Variants in STAC3 observed in about 807,000 individuals in gnomAD.
STAC3 encodes SH3 and cysteine rich domain 3.
Under a neutral mutation model 48.5 loss-of-function variants are expected in STAC3, and 30 were observed. The ratio of observed to expected loss-of-function variants is 0.62; its 90% confidence interval spans 0.46 to 0.84. STAC3 has a LOEUF of 0.84. STAC3 is among the 40% of genes least tolerant of loss of function. The probability of loss-of-function intolerance (pLI) is 0.00; values close to 1 mark genes in which losing one functional copy is unlikely to be tolerated. For missense variants in STAC3, 419 were observed against 462.6 expected (o/e 0.91, Z 0.86); for synonymous variants, 144 against 158.6 (o/e 0.91, Z 0.69).
chr12:57,248,293 G>C (rs753646701), intron 4 of STAC3, 95 bp from the exon 5 acceptor site: 129 of 1,016,210 alleles, frequency 1.3e-4, no homozygotes, highest in Non-Finnish European at 1.9e-4. Context: ...CAGAAAAAGA[G>C]ATGGGCTGAG....
At chr12:57,245,308 A>C in intron 6 of STAC3, 97 bp from the exon 7 acceptor site, 22 of 1,080,770 alleles carry the variant, frequency 2.0e-5, no homozygotes, top group Non-Finnish European at 2.6e-5. Flanking sequence ...ATGGGATCTC[A>C]GAGATCTCAG....
Position 57,246,916 on chromosome 12 carries a change from G to A in STAC3, c.506-15C>T, listed in dbSNP as rs2037754910. On this transcript the variant is annotated splice_polypyrimidine_tract_variant and intron_variant, in intron 5 of 11. Transcript: ENST00000332782. ...ATTGGCAGCAGCTAATCGAATGGGA[G>A]GAGAAAGAAGACATTATTGGGAAGG... 2.5e-6 allele frequency: 4 copies of A among 1,610,760 alleles called. No individual in the cohort carries two copies. The Admixed American group carries it at 5.0e-5, about 20-fold the overall frequency.
At position 57,243,488 on chromosome 12, in the gene STAC3, A is replaced by T; in HGVS notation, c.*324T>A. 1.8e-6 allele frequency: 1 copy of T among 567,816 alleles called. No individual in the cohort carries two copies. Among genetic ancestry groups the T allele is most frequent in the Non-Finnish European group, 3.2e-6 (1 of 313,794 alleles). The allele number at this position is 567,816 out of a possible 1,614,324, so 35.2% of individuals were successfully genotyped here. On this transcript the variant is annotated 3_prime_UTR_variant, in exon 12 of 12. Transcript: ENST00000332782. ...TTTGTCAAAAGTTTAATAAATTCGCAACATTCGACAGTTCGCCCTCCCTCG... is the reference window on the plus strand; with the variant it reads ...TTTGTCAAAAGTTTAATAAATTCGCTACATTCGACAGTTCGCCCTCCCTCG...
At chr12:57,248,472 G>A (rs552010171) in intron 4 of STAC3, 7 of 565,620 alleles carry the variant, frequency 1.2e-5, no homozygotes, top group East Asian at 9.4e-5. Flanking sequence ...TCCGCCTCCC[G>A]AGTTTACGCC....
Position 57,243,894 on chromosome 12 carries a change from C to G in STAC3, c.1013G>C (p.Gly338Ala). The change falls in exon 12 of 12, where the codon GGA becomes GCA. Residue 338 changes from glycine (G) to alanine (A), a missense_variant. By Grantham distance (60) the Gly-to-Ala change is moderately conservative. Coordinates refer to ENST00000332782, the MANE Select transcript of STAC3 (RefSeq NM_145064.3). ...CTTGACGTAGCCGCCCGCTTCGTCT[C>G]CTTTCTGCACCACGATCTAGAAGAT... ...LKKDQIVVQK[G>A]DEAGGYVKVY... is the part of the protein sequence containing the mutation. The G allele has an allele frequency of 6.2e-7, 1 of 1,613,832 alleles. No individual in the cohort carries two copies. Among genetic ancestry groups the G allele is most frequent in the African/African-American group, 1.3e-5 (1 of 74,994 alleles).
chr12:57,243,859 C>G lies in STAC3; in HGVS notation c.1048G>C (p.Gly350Arg). 6.2e-7 allele frequency: 1 copy of G among 1,614,128 alleles called. No homozygotes were observed. Among genetic ancestry groups the G allele is most frequent in the Non-Finnish European group, 8.5e-7 (1 of 1,180,018 alleles). ...EAGGYVKVYTGRKVGLFPTDF... is the reference protein window; with the variant it reads ...EAGGYVKVYTRRKVGLFPTDF... ...GTGGGAAACAGCCCCACCTTGCGGC[C>G]GGTGTAGACCTTGACGTAGCCGCCC... Residue 350 changes from glycine to arginine, a missense_variant, in exon 12 of 12, where the codon GGC becomes CGC. By Grantham distance (125) the Gly-to-Arg change is moderately radical. Transcript: ENST00000332782.
chr12:57,246,147 T>G (rs915954567), intron 6 of STAC3, among the ~76,000 whole-genome samples: 1 of 151,732 alleles, frequency 6.6e-6, no homozygotes, highest in African/African-American at 2.4e-5. Context: ...AGCACAATTT[T>G]TATAATTCCC....
chr12:57,247,428 ATTTTT>A (rs367784960), intron 5 of STAC3, among the ~76,000 whole-genome samples: 17 of 58,526 alleles, frequency 2.9e-4, no homozygotes, highest in African/African-American at 9.0e-4. Context: ...TATTATTATT[ATTTTT>A]TTTTTTTTTT....
In STAC3 at chr12:57,243,695, G is replaced by T. The variant is rs938336349; in HGVS notation, c.*117C>A. The T allele has an allele frequency of 1.0e-6, 1 of 954,472 alleles. No homozygotes were observed. Among genetic ancestry groups the T allele is most frequent in the Non-Finnish European group, 1.7e-6 (1 of 603,562 alleles). The allele number at this position is 954,472 out of a possible 1,614,324, so 59.1% of individuals were successfully genotyped here. A position where few individuals can be genotyped will look rare whatever the true frequency, so the allele number is the denominator to read the frequency against. ...CCCGGAAGCCCCGTCGCGCTCAGGC[G>T]GGCCTTCCTACCCCTCCTCTCCCAG... On this transcript the variant is annotated 3_prime_UTR_variant, in exon 12 of 12. Transcript: ENST00000332782.
At chr12:57,247,953 C>A (rs1370581354) in intron 5 of STAC3, among the ~76,000 whole-genome samples, 173 bp downstream of exon 5, 1 of 152,184 alleles carries the variant, frequency 6.6e-6, no homozygotes, top group East Asian at 1.9e-4. Context: ...TCTCCCTCTG[C>A]TGTAAAATGG....
In STAC3 at chr12:57,244,243, G is replaced by T. The variant is rs936965730; in HGVS notation, c.859-18C>A. 6.2e-7 allele frequency: 1 copy of T among 1,614,208 alleles called. No homozygotes were observed. The highest frequency in any genetic ancestry group is 2.2e-5 in the East Asian group (1 of 44,880). ...ATTTTCCCCTAGGGAAGATAGTAGG[G>T]AGAGTCCATCTCTCAATGTCGGGTT... On this transcript the variant is annotated intron_variant, in intron 10 of 11. Coordinates refer to ENST00000332782, the MANE Select transcript of STAC3 (RefSeq NM_145064.3).
intron 5 of STAC3, among the ~76,000 whole-genome samples, chr12:57,247,580 G>T (rs959139662): frequency 6.6e-6 from 1 of 151,754 alleles, no homozygotes; most frequent in African/African-American, 2.4e-5. Context: ...GACTACAGGC[G>T]CCTGCCACCA....
rs2037854027 is a variant in STAC3 at position 57,249,639 on chromosome 12, T to G, written c.-1-2A>C. Reference sequence around the variant, plus strand: ...TCCAGCACCTCCTTTTCTGTCATCCTGCAAGAGGTTGGACCCCACTATGAA... The same window carrying G: ...TCCAGCACCTCCTTTTCTGTCATCCGGCAAGAGGTTGGACCCCACTATGAA... On this transcript the variant is annotated splice_acceptor_variant, in intron 1 of 11. Coordinates refer to ENST00000332782, the MANE Select transcript of STAC3 (RefSeq NM_145064.3). LOFTEE classifies it low-confidence loss of function (5UTR_SPLICE). 6.2e-7 allele frequency: 1 copy of G among 1,613,928 alleles called. No individual in the cohort carries two copies. The highest frequency in any genetic ancestry group is 1.3e-5 in the African/African-American group (1 of 75,040).
rs1268497921 is a variant in STAC3 at position 57,246,908 on chromosome 12, G to A, written c.506-7C>T. The A allele has an allele frequency of 8.7e-6, 14 of 1,612,280 alleles. No homozygotes were observed. The highest frequency in any genetic ancestry group is 1.1e-5 in the Non-Finnish European group (13 of 1,178,714). The stretch of plus-strand genomic sequence containing the variant: ...TCATTGCGATTGGCAGCAGCTAATC[G>A]AATGGGAGGAGAAAGAAGACATTAT... On this transcript the variant is annotated splice_region_variant and splice_polypyrimidine_tract_variant and intron_variant, in intron 5 of 11. Transcript: ENST00000332782.
At position 57,243,727 on chromosome 12, in the gene STAC3, C is replaced by G; in HGVS notation, c.*85G>C. Reference sequence around the variant, plus strand: ...CCTACCCCTCCTCTCCCAGCAGTCCCGTTGCTTTCGCCCCCCTCCCCAAAC... The same window carrying G: ...CCTACCCCTCCTCTCCCAGCAGTCCGGTTGCTTTCGCCCCCCTCCCCAAAC... On this transcript the variant is annotated 3_prime_UTR_variant, in exon 12 of 12. Transcript: ENST00000332782. The G allele has an allele frequency of 7.9e-7, 1 of 1,271,602 alleles. No individual in the cohort carries two copies. Among genetic ancestry groups the G allele is most frequent in the Non-Finnish European group, 1.1e-6 (1 of 885,258 alleles). The allele number at this position is 1,271,602 out of a possible 1,614,324, so 78.8% of individuals were successfully genotyped here. A position where few individuals can be genotyped will look rare whatever the true frequency, so the allele number is the denominator to read the frequency against.
rs1397979708 is a variant in STAC3, at chr12:57,251,172, T to C, written c.-181A>G. 1 of 455,412 alleles carries C rather than the reference T, an allele frequency of 2.2e-6. No homozygotes were observed. Among genetic ancestry groups the C allele is most frequent in the South Asian group, 1.5e-5 (1 of 64,520 alleles). The allele number at this position is 455,412 out of a possible 1,614,324, so 28.2% of individuals were successfully genotyped here. On this transcript the variant is annotated 5_prime_UTR_variant, in exon 1 of 12. Transcript: ENST00000332782. ...TAGACCTCCTAGCCTCCTGCCTTGG[T>C]GTCAGGGCTGAAATGACAGGGCTGG...
At position 57,243,741 on chromosome 12, in the gene STAC3, C is replaced by G; in HGVS notation, c.*71G>C. ...CCCAGCAGTCCCGTTGCTTTCGCCC[C>G]CCTCCCCAAACTCCACTGGGCCCGC... is the stretch of plus-strand genomic sequence containing the variant. On this transcript the variant is annotated 3_prime_UTR_variant, in exon 12 of 12. Coordinates refer to ENST00000332782, the MANE Select transcript of STAC3 (RefSeq NM_145064.3). The G allele has an allele frequency of 6.9e-7, 1 of 1,440,750 alleles. No individual in the cohort carries two copies. The highest frequency in any genetic ancestry group is 2.4e-5 in the East Asian group (1 of 42,462). The allele number at this position is 1,440,750 out of a possible 1,614,324, so 89.2% of individuals were successfully genotyped here. A position where few individuals can be genotyped will look rare whatever the true frequency, so the allele number is the denominator to read the frequency against.
At chr12:57,245,112 C>G in intron 7 of STAC3, 33 bp downstream of exon 7, 1 of 1,613,142 alleles carries the variant, frequency 6.2e-7, no homozygotes, top group Non-Finnish European at 8.5e-7. Context: ...TCTGATCCTA[C>G]TCCATCTCTG....
chr12:57,244,664 C>T (rs1225349138), intron 8 of STAC3, 42 bp from the exon 9 acceptor site: 1 of 1,606,002 alleles, frequency 6.2e-7, no homozygotes, highest in Non-Finnish European at 8.5e-7. Context: ...GCTCCTCTAC[C>T]CCACACTGAG....
Sources: gnomAD v4.1 joint callset for allele counts (sites outside exome capture counted in the v4.1 genomes callset) on GRCh38, gnomAD v4.1.1 for gene constraint, MANE v1.5 for transcripts, NCBI Gene and HGNC (gene_info 2026-07-23, HGNC 2026-07-21) for gene names.